Variants in GRID1 observed in about 807,000 individuals in gnomAD.
The protein encoded by GRID1 is glutamate ionotropic receptor delta type subunit 1.
GRID1 carries 28 observed loss-of-function variants against 98.0 expected under a neutral mutation model. That is an observed-to-expected ratio of 0.29 (90% confidence interval 0.21 to 0.39). The LOEUF (loss-of-function observed/expected upper bound fraction) is 0.39. Ranked by LOEUF, GRID1 falls within the 10% of genes least tolerant of loss-of-function variation. The pLI, the probability that GRID1 is intolerant of heterozygous loss-of-function variation, is 1.00. For synonymous variants in GRID1, 553 were observed against 538.5 expected, an observed-to-expected ratio of 1.03 and a Z score of -0.37; for missense variants, 1,111 against 1,340.5, an observed-to-expected ratio of 0.83 and a Z score of 2.67.
intron 2 of GRID1, among the ~76,000 whole-genome samples, chr10:86,250,988 T>C (rs555548143): frequency 8.4e-4 from 128 of 152,316 alleles, no homozygotes; most frequent in African/African-American, 3.0e-3. Context: ...CTCCATTTTG[T>C]CCTGTACTAG....
intron 4 of GRID1, among the ~76,000 whole-genome samples, chr10:85,957,039 C>A (rs978094001): frequency 2.0e-5 from 3 of 152,084 alleles, no homozygotes; most frequent in Non-Finnish European, 4.4e-5. Flanking sequence ...AAGTGCTGAG[C>A]GAAGCAGGGA....
intron 8 of GRID1, among the ~76,000 whole-genome samples, chr10:85,731,832 GAAGGGAGGGAGGGAGGGAGGAAGA>G (rs1841827942): frequency 1.7e-5 from 1 of 60,330 alleles, no homozygotes; most frequent in Non-Finnish European, 3.3e-5. Flanking sequence ...AGGAAGGAAG[GAAGGGAGGGAGGGAGGGAGGAAGA>G]AAGGGAGGGA....
At chr10:86,055,813 T>TTCTCTCTCTC (rs141146400) in intron 4 of GRID1, among the ~76,000 whole-genome samples, 2,517 of 147,396 alleles carry the variant, frequency 0.017, 30 homozygotes, top group African/African-American at 0.036. Flanking sequence ...TGTGCTCTCA[T>TTCTCTCTCTC]TCTCTCTCTC....
intron 12 of GRID1, among the ~76,000 whole-genome samples, chr10:85,682,619 C>T (rs1415064861): frequency 6.6e-6 from 1 of 152,224 alleles, no homozygotes; most frequent in African/African-American, 2.4e-5. Flanking sequence ...TCCCTATAAA[C>T]ACAGACAAAC....
rs1848658732 is a variant in GRID1 at position 86,365,232 on chromosome 10, C to T, written c.79+1082G>A. On this transcript the variant is annotated intron_variant, in intron 1 of 15. Coordinates refer to ENST00000327946, the MANE Select transcript of GRID1 (RefSeq NM_017551.3). This position sits in a 1 kb window ranked among gnomAD's most constrained non-coding sequence, Gnocchi z 4.8. ...CCGAGCCCAGGCCTAGTCCTCACCA[C>T]CCCACTCCACCACCCACCCTCCCGC... Among the ~76,000 whole-genome samples, 1 of 152,158 alleles carries T rather than the reference C, an allele frequency of 6.6e-6. No individual in the cohort carries two copies. The highest frequency in any genetic ancestry group is 1.5e-5 in the Non-Finnish European group (1 of 68,024).
At chr10:86,314,970 A>G (rs1847878599) in intron 2 of GRID1, among the ~76,000 whole-genome samples, 1 of 150,274 alleles carries the variant, frequency 6.7e-6, no homozygotes, top group African/African-American at 2.4e-5. Context: ...TGCAGTCAGG[A>G]CCTCCATGTA....
chr10:86,051,696 A>C (rs1843505396), intron 4 of GRID1, among the ~76,000 whole-genome samples: 1 of 152,244 alleles, frequency 6.6e-6, no homozygotes, highest in Non-Finnish European at 1.5e-5. Context: ...AAGATGCTTA[A>C]TCTTGTTCAA....
chr10:85,929,880 C>T (rs973023441), intron 4 of GRID1, among the ~76,000 whole-genome samples: 3 of 152,172 alleles, frequency 2.0e-5, no homozygotes, highest in Non-Finnish European at 4.4e-5. Context: ...AACTTTAGCA[C>T]TATCTATTAT....
intron 5 of GRID1, among the ~76,000 whole-genome samples, chr10:85,901,175 T>C (rs1407795339): frequency 6.6e-6 from 1 of 152,166 alleles, no homozygotes; most frequent in African/African-American, 2.4e-5. Flanking sequence ...TGTGAGTCAC[T>C]TGTTACAAAG....
At chr10:86,354,868 A>G (rs1303914545) in intron 2 of GRID1, among the ~76,000 whole-genome samples, 3 of 152,172 alleles carry the variant, frequency 2.0e-5, no homozygotes, top group Non-Finnish European at 4.4e-5. Context: ...CAGCCTCCAT[A>G]TGAGCCATGT....
intron 12 of GRID1, among the ~76,000 whole-genome samples, chr10:85,664,648 A>G (rs538614819): frequency 1.3e-5 from 2 of 152,322 alleles, no homozygotes; most frequent in Admixed American, 6.5e-5. Flanking sequence ...GTACCTTGGA[A>G]GTGGCAGTGG....
At chr10:86,052,301 A>G (rs1429144281) in intron 4 of GRID1, 2 of 152,224 alleles carry the variant, frequency 1.3e-5, no homozygotes, top group East Asian at 3.8e-4. Flanking sequence ...AAAAATTAAT[A>G]ATATATTTAT....
intron 4 of GRID1, among the ~76,000 whole-genome samples, chr10:85,985,266 G>A (rs182367090): frequency 8.5e-5 from 13 of 152,288 alleles, no homozygotes; most frequent in East Asian, 3.9e-4. Context: ...CTTGCCCAAC[G>A]TCACTAAGCA....
chr10:86,326,664 G>A (rs145714361), intron 2 of GRID1, among the ~76,000 whole-genome samples: 2 of 152,336 alleles, frequency 1.3e-5, no homozygotes, highest in Non-Finnish European at 2.9e-5. Context: ...CAAGCAAATG[G>A]TGCCAGGTTG....
chr10:86,260,687 T>A (rs1847002650), intron 2 of GRID1, among the ~76,000 whole-genome samples: 1 of 151,788 alleles, frequency 6.6e-6, no homozygotes, highest in Non-Finnish European at 1.5e-5. Context: ...AAATGGAAAA[T>A]CCTCGCCCAG....
intron 8 of GRID1, among the ~76,000 whole-genome samples, chr10:85,758,870 G>C (rs2132695656): frequency 6.6e-6 from 1 of 152,312 alleles, no homozygotes. Context: ...TAAGCTGGTG[G>C]AACAGACTCC....
At chr10:85,690,008 T>G (rs1450449270) in intron 12 of GRID1, among the ~76,000 whole-genome samples, 1 of 152,170 alleles carries the variant, frequency 6.6e-6, no homozygotes, top group Non-Finnish European at 1.5e-5. Flanking sequence ...AAAAGCTGTA[T>G]GTAAAATGAT....
intron 2 of GRID1, among the ~76,000 whole-genome samples, chr10:86,281,681 G>A (rs1312692259): frequency 2.0e-5 from 3 of 152,138 alleles, no homozygotes; most frequent in Admixed American, 2.0e-4. Flanking sequence ...TGAGGCCTAG[G>A]ACAGTAGTCC....
At chr10:86,305,735 T>C (rs1427518441) in intron 2 of GRID1, among the ~76,000 whole-genome samples, 2 of 152,210 alleles carry the variant, frequency 1.3e-5, no homozygotes, top group African/African-American at 2.4e-5. Context: ...ATGGCTCCCC[T>C]GGGATTTCAG....
Sources: gnomAD v4.1 joint callset for allele counts (sites outside exome capture counted in the v4.1 genomes callset) on GRCh38, gnomAD v4.1.1 for gene constraint, Gnocchi (gnomAD v3.1) non-coding constraint, MANE v1.5 for transcripts, NCBI Gene and HGNC (gene_info 2026-07-23, HGNC 2026-07-21) for gene names.